Variants in ASTN2 observed in about 807,000 individuals in gnomAD.
ASTN2 encodes astrotactin-2.
Under a neutral mutation model 139.8 loss-of-function variants are expected in ASTN2, and 54 were observed. The observed-to-expected ratio is 0.39, with a 90% CI of 0.31 to 0.48. The LOEUF is 0.48. Among genes scored for constraint, ASTN2 ranks in the 20% least tolerant of loss-of-function variants. The pLI, the probability that ASTN2 is intolerant of heterozygous loss-of-function variation, is 0.95. For missense variants in ASTN2, 1,565 were observed against 1,725.1 expected (o/e 0.91, Z 1.64); for synonymous variants, 756 against 719.5 (o/e 1.05, Z -0.81).
At chr9:117,110,707 G>A (rs755181063) in intron 4 of ASTN2, among the ~76,000 whole-genome samples, 14 of 152,182 alleles carry the variant, frequency 9.2e-5, no homozygotes, top group Non-Finnish European at 2.1e-4. Flanking sequence ...TTGGAAAGAA[G>A]TTGAAAAGTA....
At chr9:116,452,935 C>T (rs1848217773) in intron 20 of ASTN2, among the ~76,000 whole-genome samples, 1 of 152,164 alleles carries the variant, frequency 6.6e-6, no homozygotes, top group South Asian at 2.1e-4. Context: ...ACCCTAAAGC[C>T]CTTCTCTTCT....
intron 2 of ASTN2, among the ~76,000 whole-genome samples, chr9:117,268,893 T>C (rs7856211): frequency 0.025 from 3,879 of 152,282 alleles, 173 homozygotes; most frequent in African/African-American, 0.088. Context: ...ACTTGACACA[T>C]GCTGAGCGGG....
At chr9:116,571,072 G>A (rs1240716361) in intron 19 of ASTN2, among the ~76,000 whole-genome samples, 1 of 152,182 alleles carries the variant, frequency 6.6e-6, no homozygotes, top group African/African-American at 2.4e-5. Context: ...ATGAGATGGG[G>A]AAGATTGGAG....
At chr9:117,056,208 G>A (rs1839059594) in intron 5 of ASTN2, among the ~76,000 whole-genome samples, 1 of 152,230 alleles carries the variant, frequency 6.6e-6, no homozygotes, top group Non-Finnish European at 1.5e-5. Context: ...CTGCCCCACA[G>A]AAACTGTTAG....
chr9:116,789,130 T>G (rs1830460083), intron 13 of ASTN2, among the ~76,000 whole-genome samples: 2 of 152,196 alleles, frequency 1.3e-5, no homozygotes, highest in South Asian at 4.1e-4. Context: ...GGATATCCTT[T>G]AGAGCAACTT....
intron 1 of ASTN2, among the ~76,000 whole-genome samples, chr9:117,399,037 G>T (rs1830752175): frequency 6.6e-6 from 1 of 152,130 alleles, no homozygotes; most frequent in South Asian, 2.1e-4. Context: ...GCCCACCTCG[G>T]CCTCCCAAAG....
At chr9:116,784,929 CAAA>C (rs58241855) in intron 13 of ASTN2, among the ~76,000 whole-genome samples, 2,878 of 104,158 alleles carry the variant, frequency 0.028, 83 homozygotes, top group African/African-American at 0.096. Flanking sequence ...AACTCCGCCT[CAAA>C]AAAAAAAAAA....
intron 19 of ASTN2, among the ~76,000 whole-genome samples, chr9:116,537,156 A>T (rs1359526923): frequency 1.3e-5 from 2 of 152,240 alleles, no homozygotes; most frequent in African/African-American, 4.8e-5. Context: ...CCTCCGAGCC[A>T]CGTGCGGGAT....
chr9:116,663,642 A>G (rs969224873), intron 16 of ASTN2, among the ~76,000 whole-genome samples: 7 of 152,172 alleles, frequency 4.6e-5, no homozygotes, highest in Non-Finnish European at 7.3e-5. Context: ...AGCCCACTCA[A>G]CAAAATATAA....
chr9:117,119,223 T>A (rs1829479867), intron 4 of ASTN2, among the ~76,000 whole-genome samples: 1 of 152,262 alleles, frequency 6.6e-6, no homozygotes, highest in Admixed American at 6.5e-5. Context: ...CATGCAGGTT[T>A]GAAAACATCT....
chr9:116,936,400 G>A (rs918165760), intron 10 of ASTN2, among the ~76,000 whole-genome samples: 6 of 152,034 alleles, frequency 3.9e-5, no homozygotes, highest in African/African-American at 1.2e-4. Context: ...CACATTTATT[G>A]TGTGCTGATG....
intron 5 of ASTN2, among the ~76,000 whole-genome samples, chr9:117,058,386 A>G (rs7852351): frequency 0.47 from 72,009 of 152,000 alleles, 17,590 homozygotes; most frequent in East Asian, 0.72. Context: ...CAGCTACCAT[A>G]TTTAAGCACT....
chr9:116,734,548 A>G (rs1378446724), intron 13 of ASTN2, among the ~76,000 whole-genome samples: 1 of 152,172 alleles, frequency 6.6e-6, no homozygotes, highest in Non-Finnish European at 1.5e-5. Context: ...AGCATTAAAG[A>G]CATGAATTAT....
intron 6 of ASTN2, among the ~76,000 whole-genome samples, chr9:117,033,361 A>G (rs1158493729): frequency 6.6e-6 from 1 of 152,112 alleles, no homozygotes; most frequent in Non-Finnish European, 1.5e-5. Flanking sequence ...TACTTCTAAC[A>G]TTTATATAAT....
chr9:116,893,154 G>A (rs1239836572), intron 10 of ASTN2, among the ~76,000 whole-genome samples: 1 of 115,454 alleles, frequency 8.7e-6, no homozygotes, highest in Admixed American at 9.9e-5. Context: ...TCTACTAAAG[G>A]TGTATCACAC....
chr9:116,842,577 A>G (rs961283650), intron 11 of ASTN2, among the ~76,000 whole-genome samples: 2 of 152,016 alleles, frequency 1.3e-5, no homozygotes, highest in South Asian at 4.2e-4. Context: ...CTCAGCCTCA[A>G]TCTGTCAACC....
intron 14 of ASTN2, 74 bp downstream of exon 14, chr9:116,733,325 A>G: frequency 6.4e-7 from 1 of 1,570,778 alleles, no homozygotes; most frequent in Admixed American, 1.7e-5. Context: ...TCTGCTGAAG[A>G]CTGATATGCA....
intron 13 of ASTN2, among the ~76,000 whole-genome samples, chr9:116,747,428 C>A (rs772249370): frequency 6.6e-6 from 1 of 152,114 alleles, no homozygotes; most frequent in African/African-American, 2.4e-5. Context: ...AGATGGATGC[C>A]CTTTGTTAAA....
intron 13 of ASTN2, among the ~76,000 whole-genome samples, chr9:116,737,610 CGTGTGTGTGTGT>C (rs57891581): frequency 1.5e-4 from 20 of 137,342 alleles, no homozygotes; most frequent in African/African-American, 4.9e-4. Flanking sequence ...CATGTGCCAA[CGTGTGTGTGTGT>C]GTGTGTGTGT....
Sources: gnomAD v4.1 joint callset for allele counts (sites outside exome capture counted in the v4.1 genomes callset) on GRCh38, gnomAD v4.1.1 for gene constraint, MANE v1.5 for transcripts, NCBI Gene and HGNC (gene_info 2026-07-23, HGNC 2026-07-21) for gene names.